GNB1L: variants seen among roughly 807,000 people sequenced by gnomAD.
GNB1L encodes G protein subunit beta 1 like, also known as guanine nucleotide-binding protein subunit beta-like protein 1.
Under a neutral mutation model 29.1 loss-of-function variants are expected in GNB1L, and 20 were observed. That is an observed-to-expected ratio of 0.69 (90% CI 0.48 to 1.00). GNB1L has a LOEUF of 1.00. Among genes scored for constraint, GNB1L ranks in the 50% least tolerant of loss-of-function variants. The pLI is 0.00. For missense variants in GNB1L, 421 were observed against 464.9 expected, an observed-to-expected ratio of 0.91 and a Z score of 0.87; for synonymous variants, 193 against 206.5, an observed-to-expected ratio of 0.93 and a Z score of 0.56.
chr22:19,793,019 G>C (rs891850189), intron 7 of GNB1L: 1 of 1,593,232 alleles, frequency 6.3e-7, no homozygotes, highest in African/African-American at 1.3e-5. Context: ...GCAACATCCT[G>C]GGTCCTAAGT....
At position 19,852,199 on chromosome 22, in the gene GNB1L, A is replaced by G. The variant is rs1313429214; in HGVS notation, c.-21+2244T>C. 4.3e-6 allele frequency: 7 copies of G among 1,613,854 alleles called. No homozygotes were observed. The South Asian group carries it at 6.6e-5, about 15-fold the overall frequency. On this transcript the variant is annotated intron_variant, in intron 2 of 7. Coordinates refer to ENST00000329517, the MANE Select transcript of GNB1L (RefSeq NM_053004.3). ...TCTGCTGCCATGGATGTGCGTTGGC[A>G]TAATTGGCGGCTGCCCAGATGGGAA... is the stretch of plus-strand genomic sequence containing the variant.
rs548332351 is a variant in GNB1L, at chr22:19,803,695, G to A, written c.517-1479C>T. Among the ~76,000 whole-genome samples, 7 of 152,346 alleles carry A rather than the reference G, an allele frequency of 4.6e-5. No individual in the cohort carries two copies. The South Asian group carries it at 1.2e-3, about 27-fold the overall frequency. ...GAAGGGCCTCCCCCTGGTAAGTGGT[G>A]CGTCTGAACTCACAGTGGGTGAGGG... is the stretch of plus-strand genomic sequence containing the variant. On this transcript the variant is annotated intron_variant, in intron 6 of 7. Transcript: ENST00000329517.
In GNB1L at chr22:19,838,479, A is replaced by ATT. The variant is rs56199417; in HGVS notation, c.-21+15962_-21+15963dup. On this transcript the variant is annotated intron_variant, in intron 2 of 7. Transcript: ENST00000329517. ...TATTTATTTTTTTATTTTTATTTTT[A>ATT]TTTTTTTTTTGAGACAGAGTCTCGC... Among the ~76,000 whole-genome samples, 823 of 149,160 alleles carry ATT rather than the reference A, an allele frequency of 5.5e-3. 8 individuals carry two copies. The highest frequency in any genetic ancestry group is 0.019 in the African/African-American group (772 of 40,422).
Position 19,842,261 on chromosome 22 carries a change from C to G in GNB1L, c.-21+12182G>C, listed in dbSNP as rs148840134. 2.7e-4 allele frequency among the ~76,000 whole-genome samples: 41 copies of G among 152,390 alleles called. No homozygotes were observed. In the East Asian group the frequency reaches 7.5e-3, roughly 28 times the overall value. On this transcript the variant is annotated intron_variant, in intron 2 of 7. Transcript: ENST00000329517. ...CCACTCCAAGAAGCTGCATCAGACACAGAGCCCTGGGCTATCCCAGTCAGT... is the reference window on the plus strand; with the variant it reads ...CCACTCCAAGAAGCTGCATCAGACAGAGAGCCCTGGGCTATCCCAGTCAGT...
chr22:19,838,012 T>C (rs907284623), intron 2 of GNB1L, among the ~76,000 whole-genome samples: 3 of 152,192 alleles, frequency 2.0e-5, no homozygotes, highest in African/African-American at 7.2e-5. Context: ...GAAGATACTT[T>C]AGGCACAGTG....
chr22:19,851,353 C>T, intron 2 of GNB1L: 1 of 1,614,166 alleles, frequency 6.2e-7, no homozygotes. Context: ...CTGACTCCGA[C>T]AGTCTAGGGA....
chr22:19,838,502 C>T (rs1310722489), intron 2 of GNB1L, among the ~76,000 whole-genome samples: 2 of 149,982 alleles, frequency 1.3e-5, no homozygotes, highest in South Asian at 2.1e-4. Context: ...GACAGAGTCT[C>T]GCTCTGTTGC....
intron 4 of GNB1L, among the ~76,000 whole-genome samples, chr22:19,819,389 T>C (rs780544069): frequency 2.0e-5 from 3 of 152,132 alleles, no homozygotes; most frequent in African/African-American, 4.8e-5. Flanking sequence ...CCTGGGCCCA[T>C]GGGATAGAGG....
chr22:19,838,101 G>C (rs1416471771), intron 2 of GNB1L, among the ~76,000 whole-genome samples: 1 of 152,260 alleles, frequency 6.6e-6, no homozygotes, highest in Non-Finnish European at 1.5e-5. Context: ...AATATGTGCA[G>C]TTTATTGCAT....
chr22:19,789,099 G>A (rs1393019172), intron 7 of GNB1L, 139 bp from the exon 8 acceptor site: 1 of 903,508 alleles, frequency 1.1e-6, no homozygotes, highest in African/African-American at 1.7e-5. Flanking sequence ...CTCCTACCCA[G>A]CTGACCTCCC....
In GNB1L at chr22:19,852,301, G is replaced by T. The variant is rs968211486; in HGVS notation, c.-21+2142C>A. On this transcript the variant is annotated intron_variant, in intron 2 of 7. Coordinates refer to ENST00000329517, the MANE Select transcript of GNB1L (RefSeq NM_053004.3). Reference sequence around the variant, plus strand: ...GGAGAAGAGAGGAGAGCCAGCACTGGTGGGTGGTGGGGGTGTGGACAGATG... The same window carrying T: ...GGAGAAGAGAGGAGAGCCAGCACTGTTGGGTGGTGGGGGTGTGGACAGATG... 3.8e-6 allele frequency: 6 copies of T among 1,565,204 alleles called. No individual in the cohort carries two copies. In the African/African-American group the frequency reaches 6.8e-5, roughly 18 times the overall value.
At chr22:19,834,346 G>A (rs1336146796) in intron 2 of GNB1L, among the ~76,000 whole-genome samples, 1 of 152,076 alleles carries the variant, frequency 6.6e-6, no homozygotes, top group African/African-American at 2.4e-5. Context: ...CCCAGATGAG[G>A]GCAAATGAGA....
At chr22:19,821,861 C>T (rs955808421) in intron 2 of GNB1L, among the ~76,000 whole-genome samples, 3 of 152,196 alleles carry the variant, frequency 2.0e-5, no homozygotes, top group Non-Finnish European at 2.9e-5. Flanking sequence ...ATCTGCATGC[C>T]GGGACTGCCG....
chr22:19,791,671 G>T (rs974152608), intron 7 of GNB1L, among the ~76,000 whole-genome samples: 19 of 152,212 alleles, frequency 1.2e-4, no homozygotes, highest in Admixed American at 6.5e-5. Context: ...GCTCACGGTG[G>T]ACTCCACAGG....
intron 2 of GNB1L, chr22:19,851,634 G>A: frequency 2.5e-6 from 4 of 1,593,818 alleles, no homozygotes; most frequent in Non-Finnish European, 3.4e-6. Context: ...CTCACCACAG[G>A]CAGCTGAGGG....
chr22:19,803,537 G>A (rs1264531486), intron 6 of GNB1L, among the ~76,000 whole-genome samples: 1 of 152,188 alleles, frequency 6.6e-6, no homozygotes, highest in Non-Finnish European at 1.5e-5. Context: ...ATCCCTGGGA[G>A]GAGTTCCATG....
At chr22:19,789,836 CAAAAAAAAAAA>C (rs574569982) in intron 7 of GNB1L, among the ~76,000 whole-genome samples, 1 of 107,740 alleles carries the variant, frequency 9.3e-6, no homozygotes, top group African/African-American at 3.4e-5. Context: ...GACCCTGTCT[CAAAAAAAAAAA>C]AAAAAAAAGA....
chr22:19,835,739 C>T (rs1020642095), intron 2 of GNB1L, among the ~76,000 whole-genome samples: 2 of 152,018 alleles, frequency 1.3e-5, no homozygotes, highest in African/African-American at 2.4e-5. Context: ...TGGAATTAAA[C>T]TGGAAATCAA....
At chr22:19,820,775 T>C (rs544373606) in intron 3 of GNB1L, 52 bp from the exon 4 acceptor site, 2 of 1,572,134 alleles carry the variant, frequency 1.3e-6, no homozygotes, top group South Asian at 2.3e-5. Context: ...GTGTGCTGAA[T>C]GCTCTGGGGC....
Sources: gnomAD v4.1 joint callset for allele counts (sites outside exome capture counted in the v4.1 genomes callset) on GRCh38, gnomAD v4.1.1 for gene constraint, MANE v1.5 for transcripts, NCBI Gene and HGNC (gene_info 2026-07-23, HGNC 2026-07-21) for gene names.